KCNMA1: variants seen among roughly 807,000 people sequenced by gnomAD.
KCNMA1 encodes potassium calcium-activated channel subfamily M alpha 1, also known as Calcium-activated potassium channel subunit alpha-1.
Under a neutral mutation model 140.0 loss-of-function variants are expected in KCNMA1, and 29 were observed. The observed-to-expected ratio is 0.21, with a 90% CI of 0.15 to 0.28. KCNMA1 has a LOEUF of 0.28. KCNMA1 is among the 10% of genes least tolerant of loss of function. The pLI is 1.00. For synonymous variants in KCNMA1, 612 were observed against 611.9 expected (o/e 1.00, Z 0.00); for missense variants, 880 against 1,602.2 (o/e 0.55, Z 7.70).
At chr10:77,339,253 TTG>T (rs1352108023) in intron 2 of KCNMA1, among the ~76,000 whole-genome samples, 1 of 152,084 alleles carries the variant, frequency 6.6e-6, no homozygotes, top group African/African-American at 2.4e-5. Flanking sequence ...ATTTCCTCTC[TTG>T]TGTCTCTTCC....
chr10:76,949,445 G>A lies in KCNMA1; in HGVS notation c.2485-79C>T, dbSNP rs12770084. Reference sequence around the variant, plus strand: ...GTAAGGAGTGAAATAAATCATTTGTGCAAAGAATCAAGCAAATATTTGCTG... The same window carrying A: ...GTAAGGAGTGAAATAAATCATTTGTACAAAGAATCAAGCAAATATTTGCTG... On this transcript the variant is annotated intron_variant, in intron 21 of 27. Coordinates refer to ENST00000286628, the MANE Select transcript of KCNMA1 (RefSeq NM_001161352.2). 0.25 allele frequency: 298,902 copies of A among 1,190,632 alleles called. 39,352 individuals carry two copies. Among genetic ancestry groups the A allele is most frequent in the East Asian group, 0.44 (17,424 of 39,622 alleles). The allele number at this position is 1,190,632 out of a possible 1,614,324, so 73.8% of individuals were successfully genotyped here.
intron 14 of KCNMA1, among the ~76,000 whole-genome samples, chr10:77,060,129 T>G (rs1335167130): frequency 2.0e-5 from 3 of 152,190 alleles, no homozygotes; most frequent in East Asian, 3.9e-4. Context: ...AAGATGTCAG[T>G]GCTCCCCCAA....
chr10:76,890,536 A>G (rs2039523479), intron 26 of KCNMA1, among the ~76,000 whole-genome samples: 1 of 152,232 alleles, frequency 6.6e-6, no homozygotes. Flanking sequence ...AGCCTAGTCT[A>G]ACATAGGTCC....
At chr10:77,102,511 G>A (rs974779368) in intron 9 of KCNMA1, among the ~76,000 whole-genome samples, 2 of 152,224 alleles carry the variant, frequency 1.3e-5, no homozygotes, top group African/African-American at 2.4e-5. Context: ...GCCATCTCCC[G>A]ATAAGTCAAG....
intron 1 of KCNMA1, among the ~76,000 whole-genome samples, chr10:77,431,716 G>T (rs918100846): frequency 6.9e-5 from 9 of 130,224 alleles, no homozygotes; most frequent in South Asian, 2.7e-4. Flanking sequence ...AAAAAAAAAA[G>T]GCCGGGAGCG....
At chr10:77,302,763 T>A (rs547232383) in intron 2 of KCNMA1, among the ~76,000 whole-genome samples, 25 of 151,996 alleles carry the variant, frequency 1.6e-4, no homozygotes, top group Middle Eastern at 3.4e-3. Flanking sequence ...TCTGTGAGTA[T>A]GCAAAAAAAG....
chr10:77,445,003 T>C (rs963637320), intron 1 of KCNMA1, among the ~76,000 whole-genome samples: 2 of 152,156 alleles, frequency 1.3e-5, no homozygotes, highest in Non-Finnish European at 2.9e-5. Flanking sequence ...TTGGTTTCTA[T>C]AGCAACCCAA....
At chr10:76,990,770 C>T (rs1198325157) in intron 19 of KCNMA1, among the ~76,000 whole-genome samples, 1 of 152,184 alleles carries the variant, frequency 6.6e-6, no homozygotes, top group Non-Finnish European at 1.5e-5. Flanking sequence ...TGGAAATTTA[C>T]TCATCTGCAC....
chr10:76,913,927 C>T, intron 24 of KCNMA1: 1 of 674,770 alleles, frequency 1.5e-6, no homozygotes. Context: ...AAATAAAACA[C>T]ATTCAAAGCA....
chr10:77,602,396 G>A (rs1196875203), intron 1 of KCNMA1, among the ~76,000 whole-genome samples: 1 of 152,118 alleles, frequency 6.6e-6, no homozygotes, highest in Non-Finnish European at 1.5e-5. Context: ...GTCTGAGGCT[G>A]GGGAAGGAGG....
chr10:77,161,417 T>A (rs1416662742), intron 5 of KCNMA1, among the ~76,000 whole-genome samples: 1 of 151,942 alleles, frequency 6.6e-6, no homozygotes, highest in African/African-American at 2.4e-5. Context: ...CCAACTACTT[T>A]TTTTTTTTGT....
intron 1 of KCNMA1, among the ~76,000 whole-genome samples, chr10:77,568,456 G>C (rs1427090882): frequency 6.7e-6 from 1 of 150,344 alleles, no homozygotes; most frequent in Admixed American, 6.6e-5. Flanking sequence ...ATGTAATCCA[G>C]CATATAAACA....
At chr10:77,301,041 C>T (rs1433299142) in intron 2 of KCNMA1, among the ~76,000 whole-genome samples, 1 of 152,170 alleles carries the variant, frequency 6.6e-6, no homozygotes, top group Non-Finnish European at 1.5e-5. Context: ...CCAGTCTGTC[C>T]CCACCTCCAT....
In KCNMA1 at chr10:77,108,278, T is replaced by G; in HGVS notation, c.1223+203A>C. On this transcript the variant is annotated intron_variant, in intron 9 of 27. Coordinates refer to ENST00000286628, the MANE Select transcript of KCNMA1 (RefSeq NM_001161352.2). This position sits in a 1 kb window ranked among gnomAD's most constrained non-coding sequence, Gnocchi z 4.6. ...TCAACCACATCTTTTCTGATGCAAC[T>G]GACTTACTTTCTGCCTCCATGTTTG... 1 of 1,467,552 alleles carries G rather than the reference T, an allele frequency of 6.8e-7. No homozygotes were observed. Among genetic ancestry groups the G allele is most frequent in the Non-Finnish European group, 9.0e-7 (1 of 1,116,900 alleles). The allele number at this position is 1,467,552 out of a possible 1,614,324, so 90.9% of individuals were successfully genotyped here.
At chr10:76,949,093 T>C (rs1410008549) in intron 22 of KCNMA1, 49 bp downstream of exon 22, 8 of 1,382,358 alleles carry the variant, frequency 5.8e-6, no homozygotes, top group Admixed American at 1.7e-5. Context: ...GGATTTTCTT[T>C]TGTGAATGAA....
chr10:77,522,178 A>AAAATAAATAAATAAAT (rs57838652), intron 1 of KCNMA1, among the ~76,000 whole-genome samples: 5,675 of 142,816 alleles, frequency 0.04, 271 homozygotes, highest in African/African-American at 0.11. Context: ...ACTCCATCTC[A>AAAATAAATAAATAAAT]AAATAAATAA....
At chr10:77,595,361 A>C (rs2154565475) in intron 1 of KCNMA1, among the ~76,000 whole-genome samples, 1 of 151,850 alleles carries the variant, frequency 6.6e-6, no homozygotes, top group Admixed American at 6.6e-5. Flanking sequence ...AAAAAAAAAA[A>C]AAAAAAAAAA....
intron 1 of KCNMA1, among the ~76,000 whole-genome samples, chr10:77,556,908 C>T (rs930116491): frequency 6.6e-6 from 1 of 150,920 alleles, no homozygotes; most frequent in African/African-American, 2.4e-5. Context: ...ATGCCTCAAA[C>T]CAATCTCCTA....
intron 2 of KCNMA1, among the ~76,000 whole-genome samples, chr10:77,397,796 T>C (rs141105680): frequency 4.9e-4 from 74 of 152,264 alleles, no homozygotes; most frequent in Non-Finnish European, 6.2e-4. Context: ...TGAGTCTCCA[T>C]TGACTACTAT....
Sources: gnomAD v4.1 joint callset for allele counts (sites outside exome capture counted in the v4.1 genomes callset) on GRCh38, gnomAD v4.1.1 for gene constraint, Gnocchi (gnomAD v3.1) non-coding constraint, MANE v1.5 for transcripts, NCBI Gene and HGNC (gene_info 2026-07-23, HGNC 2026-07-21) for gene names.